The following MEGF10 variants were observed in gnomAD, a reference collection of about 807,000 sequenced individuals.
MEGF10 encodes multiple EGF like domains 10.
MEGF10 carries 86 observed loss-of-function variants against 147.5 expected under a neutral mutation model. That is an observed-to-expected ratio of 0.58 (90% CI 0.49 to 0.70). The LOEUF (loss-of-function observed/expected upper bound fraction) is 0.70, where lower values mean the gene tolerates loss of function less well. Ranked by LOEUF, MEGF10 falls within the 30% of genes least tolerant of loss-of-function variation. The probability of loss-of-function intolerance (pLI) is 0.00; values close to 1 mark genes in which losing one functional copy is unlikely to be tolerated. For missense variants in MEGF10, 1,329 were observed against 1,487.3 expected (o/e 0.89, Z 1.75); for synonymous variants, 478 against 525.5 (o/e 0.91, Z 1.24).
intron 13 of MEGF10, among the ~76,000 whole-genome samples, chr5:127,428,141 A>ATTTTTTTTTT (rs66935934): frequency 2.2e-4 from 23 of 103,568 alleles, no homozygotes; most frequent in African/African-American, 2.9e-4. Context: ...GGTGTCTGGT[A>ATTTTTTTTTT]TTTTTTTTTT....
intron 1 of MEGF10, among the ~76,000 whole-genome samples, chr5:127,293,573 T>A (rs1002215211): frequency 1.3e-5 from 2 of 152,230 alleles, no homozygotes; most frequent in African/African-American, 4.8e-5. Flanking sequence ...GTGATTCTAA[T>A]GCAAAACTCA....
At chr5:127,307,957 C>A (rs1197619376) in intron 1 of MEGF10, among the ~76,000 whole-genome samples, 2 of 152,176 alleles carry the variant, frequency 1.3e-5, no homozygotes, top group Non-Finnish European at 2.9e-5. Flanking sequence ...TGAGCAGACC[C>A]TGTAGGAAAA....
intron 9 of MEGF10, among the ~76,000 whole-genome samples, chr5:127,416,750 G>A (rs1764793828): frequency 6.6e-6 from 1 of 152,208 alleles, no homozygotes; most frequent in African/African-American, 2.4e-5. Context: ...TAGGACATCA[G>A]GCCCAAGGAA....
rs779874582 is a variant in MEGF10, at chr5:127,396,543, G to A, written c.424G>A (p.Asp142Asn). Residue 142 changes from aspartate to asparagine, a missense_variant, in exon 6 of 25, where the codon GAT becomes AAT. Physicochemically the swap from Asp to Asn is conservative, Grantham distance 23. Around this residue, in one of 3 missense-constraint regions of MEGF10, gnomAD observed 980 missense variants for 1,085.9 expected, o/e 0.90. Coordinates refer to ENST00000503335, the MANE Select transcript of MEGF10 (RefSeq NM_001256545.2). Reference protein sequence around the residue: ...GTNCSSACDGDHWGPHCTSRC... With the variant: ...GTNCSSACDGNHWGPHCTSRC... The stretch of plus-strand genomic sequence containing the variant: ...CTCCTCAATCTCAGCCTGCGATGGT[G>A]ATCACTGGGGTCCCCACTGCACCAG... 1 of 1,544,304 alleles carries A rather than the reference G, an allele frequency of 6.5e-7. No homozygotes were observed. Among genetic ancestry groups the A allele is most frequent in the Non-Finnish European group, 8.8e-7 (1 of 1,142,086 alleles).
the MEGF10 span, among the ~76,000 whole-genome samples, chr5:127,264,881 A>G: frequency 6.6e-6 from 1 of 151,910 alleles, no homozygotes; most frequent in Non-Finnish European, 1.5e-5. Flanking sequence ...AACGTGTGCC[A>G]TGGTGGTTTG....
At chr5:127,422,539 G>A (rs757380863) in intron 12 of MEGF10, 131 bp from the exon 13 acceptor site, 2 of 649,098 alleles carry the variant, frequency 3.1e-6, no homozygotes, top group South Asian at 3.9e-5. Flanking sequence ...AATAAATAAA[G>A]ATACATCCCT....
Position 127,457,568 on chromosome 5 carries a change from C to A in MEGF10, c.*250C>A. On this transcript the variant is annotated 3_prime_UTR_variant, in exon 25 of 25. Transcript: ENST00000503335. ...TTAGAACTATACCCGTGAAGCATGA[C>A]TTATTGTAAGATGTTGGCTGAAAGC... is the stretch of plus-strand genomic sequence containing the variant. 1 of 447,354 alleles carries A rather than the reference C, an allele frequency of 2.2e-6. No homozygotes were observed. Among genetic ancestry groups the A allele is most frequent in the Non-Finnish European group, 4.0e-6 (1 of 251,410 alleles). The allele number at this position is 447,354 out of a possible 1,614,324, so 27.7% of individuals were successfully genotyped here.
At chr5:127,234,248 CTA>C in the MEGF10 span, among the ~76,000 whole-genome samples, 1 of 152,192 alleles carries the variant, frequency 6.6e-6, no homozygotes, top group African/African-American at 2.4e-5. Flanking sequence ...TCACTTGAGT[CTA>C]TGTGCCTTTT....
chr5:127,413,891 GC>G (rs1262070679), intron 9 of MEGF10, among the ~76,000 whole-genome samples: 1 of 152,166 alleles, frequency 6.6e-6, no homozygotes, highest in African/African-American at 2.4e-5. Flanking sequence ...CCTGCCTCTT[GC>G]TTTGTTGAAT....
chr5:127,342,883 A>G (rs576778221), intron 4 of MEGF10, among the ~76,000 whole-genome samples: 6 of 152,150 alleles, frequency 3.9e-5, no homozygotes, highest in African/African-American at 1.4e-4. Context: ...CTTACTCTCT[A>G]GTCTCACTGG....
At chr5:127,418,346 G>A (rs1333995143) in intron 10 of MEGF10, among the ~76,000 whole-genome samples, 1 of 152,188 alleles carries the variant, frequency 6.6e-6, no homozygotes, top group Non-Finnish European at 1.5e-5. Context: ...GATAGGCTAG[G>A]AATCTTTGCT....
At chr5:127,333,154 GA>G (rs1761330844) in intron 2 of MEGF10, among the ~76,000 whole-genome samples, 1 of 152,102 alleles carries the variant, frequency 6.6e-6, no homozygotes, top group Non-Finnish European at 1.5e-5. Flanking sequence ...TGGGAATATA[GA>G]TTTGGGAATA....
At chr5:127,416,394 T>C (rs1764781441) in intron 9 of MEGF10, among the ~76,000 whole-genome samples, 1 of 152,096 alleles carries the variant, frequency 6.6e-6, no homozygotes, top group Non-Finnish European at 1.5e-5. Context: ...TGCTCAAGGA[T>C]AAGAAATTGG....
chr5:127,239,535 TAAC>T, the MEGF10 span, among the ~76,000 whole-genome samples: 3 of 148,622 alleles, frequency 2.0e-5, no homozygotes, highest in Admixed American at 2.0e-4. Flanking sequence ...TATATAAAGT[TAAC>T]AAAATGTTAA....
At chr5:127,450,066 A>G (rs1766096863) in intron 22 of MEGF10, among the ~76,000 whole-genome samples, 1 of 152,240 alleles carries the variant, frequency 6.6e-6, no homozygotes, top group African/African-American at 2.4e-5. Context: ...AATCTCTTTA[A>G]TGTCCAGCTT....
At chr5:127,344,259 A>C (rs545535507) in intron 4 of MEGF10, among the ~76,000 whole-genome samples, 1 of 152,162 alleles carries the variant, frequency 6.6e-6, no homozygotes, top group Non-Finnish European at 1.5e-5. Context: ...TATCTTTTTT[A>C]ATGCATTTCA....
chr5:127,409,904 T>G (rs1236766433), intron 8 of MEGF10: 1 of 167,374 alleles, frequency 6.0e-6, no homozygotes, highest in African/African-American at 2.4e-5. Context: ...AGTAAAAACG[T>G]GGCTAAGATT....
At chr5:127,456,236 T>C (rs1243023764) in intron 24 of MEGF10, among the ~76,000 whole-genome samples, 3 of 152,180 alleles carry the variant, frequency 2.0e-5, no homozygotes, top group Non-Finnish European at 4.4e-5. Context: ...TTAGCAAGAT[T>C]GAAACATTTT....
chr5:127,339,992 G>A (rs545526044), intron 3 of MEGF10, among the ~76,000 whole-genome samples: 14 of 152,260 alleles, frequency 9.2e-5, no homozygotes, highest in Admixed American at 7.2e-4. Flanking sequence ...AGCCAGATCT[G>A]TCTTCCCAAG....
Sources: allele counts gnomAD v4.1 joint callset (sites outside exome capture counted in the v4.1 genomes callset), GRCh38; gene constraint gnomAD v4.1.1; regional missense constraint gnomAD v4.1.1; transcripts MANE v1.5; gene names NCBI Gene and HGNC (gene_info 2026-07-23, HGNC 2026-07-21).